F2RL1: variants seen among roughly 807,000 people sequenced by gnomAD.
F2RL1 encodes proteinase-activated receptor 2.
F2RL1 carries 16 observed loss-of-function variants against 21.7 expected under a neutral mutation model. The ratio of observed to expected loss-of-function variants is 0.74; its 90% CI spans 0.50 to 1.12. The LOEUF is 1.12. Among genes scored for constraint, F2RL1 ranks in the 50% most tolerant of loss-of-function variants. The pLI is 0.00. For missense variants in F2RL1, 432 were observed against 477.8 expected (o/e 0.90, Z 0.89); for synonymous variants, 181 against 186.7 (o/e 0.97, Z 0.25).
At chr5:76,829,860 C>T (rs942140644) in intron 1 of F2RL1, among the ~76,000 whole-genome samples, 33 of 151,814 alleles carry the variant, frequency 2.2e-4, no homozygotes, top group African/African-American at 6.8e-4. Context: ...GGGTTATGGT[C>T]AAATATTTGA....
At chr5:76,821,874 C>A (rs1358410115) in intron 1 of F2RL1, among the ~76,000 whole-genome samples, 3 of 151,972 alleles carry the variant, frequency 2.0e-5, no homozygotes, top group Non-Finnish European at 4.4e-5. Flanking sequence ...AGCTACTGCG[C>A]CCTACCTATA....
chr5:76,833,714 G>A lies in F2RL1; in HGVS notation c.1107G>A (p.Gln369=), dbSNP rs762130377. The change falls in exon 2 of 2, where the codon CAG becomes CAA. Residue 369 remains glutamine (Q), a synonymous_variant. Transcript: ENST00000296677. ...LLCRSVRTVK[Q]MQVSLTSKKH... ...GCCGAAGTGTCCGCACTGTAAAGCA[G>A]ATGCAAGTATCCCTCACCTCAAAGA... 2.5e-6 allele frequency: 4 copies of A among 1,614,002 alleles called. No homozygotes were observed. The East Asian group carries it at 8.9e-5, about 36-fold the overall frequency.
At chr5:76,828,221 G>A (rs1044126073) in intron 1 of F2RL1, among the ~76,000 whole-genome samples, 4 of 151,920 alleles carry the variant, frequency 2.6e-5, no homozygotes, top group Admixed American at 6.6e-5. Context: ...CACCCACCTC[G>A]GCCTCCAATA....
chr5:76,821,027 A>G (rs998841491), intron 1 of F2RL1, among the ~76,000 whole-genome samples: 2 of 151,874 alleles, frequency 1.3e-5, no homozygotes, highest in African/African-American at 4.9e-5. Flanking sequence ...GTCTTTGCTC[A>G]CTCGCTTTTT....
rs186931650 is a variant in F2RL1 at position 76,819,277 on chromosome 5, G to A, written c.82+13G>A. Reference sequence around the variant, plus strand: ...GGCACCATCCAAGGTGAGAAACCTGGCCAAGGAGGGCTCTTATCTCTGAGG... The same window carrying A: ...GGCACCATCCAAGGTGAGAAACCTGACCAAGGAGGGCTCTTATCTCTGAGG... On this transcript the variant is annotated intron_variant, in intron 1 of 1. Transcript: ENST00000296677. 89 of 1,581,866 alleles carry A rather than the reference G, an allele frequency of 5.6e-5. No individual in the cohort carries two copies. In the East Asian group the frequency reaches 1.9e-3, roughly 35 times the overall value.
At chr5:76,828,545 C>T (rs1364360022) in intron 1 of F2RL1, among the ~76,000 whole-genome samples, 1 of 148,838 alleles carries the variant, frequency 6.7e-6, no homozygotes, top group Non-Finnish European at 1.5e-5. Flanking sequence ...GAGTGGAGTG[C>T]AGTGGCACAA....
At chr5:76,832,057 A>G (rs1477105940) in intron 1 of F2RL1, among the ~76,000 whole-genome samples, 1 of 152,028 alleles carries the variant, frequency 6.6e-6, no homozygotes, top group Non-Finnish European at 1.5e-5. Context: ...CTGGGGACTA[A>G]TGAGTGTGGA....
intron 1 of F2RL1, among the ~76,000 whole-genome samples, chr5:76,822,234 C>G (rs62365143): frequency 6.6e-6 from 1 of 151,438 alleles, no homozygotes; most frequent in East Asian, 1.9e-4. Context: ...TTTTTTCCCC[C>G]TGAGATAGAA....
At chr5:76,820,299 G>A (rs1199553393) in intron 1 of F2RL1, among the ~76,000 whole-genome samples, 1 of 152,164 alleles carries the variant, frequency 6.6e-6, no homozygotes, top group African/African-American at 2.4e-5. Flanking sequence ...CTCTGTTTGG[G>A]GCAGCCTGGG....
chr5:76,834,142 T>C lies in F2RL1; in HGVS notation c.*341T>C. On this transcript the variant is annotated 3_prime_UTR_variant, in exon 2 of 2. Transcript: ENST00000296677. ...TCAGCTGAAATTATATATATACACA[T>C]ATATATATTTTACATCTGGGATCAT... 1 of 172,814 alleles carries C rather than the reference T, an allele frequency of 5.8e-6. No homozygotes were observed. The allele number at this position is 172,814 out of a possible 1,614,324, so 10.7% of individuals were successfully genotyped here.
Position 76,832,917 on chromosome 5 carries a change from ACTAAGAAGAAGCACC to A in F2RL1, c.313_327del (p.Lys105_Pro109del). 1.9e-6 allele frequency: 3 copies of A among 1,614,210 alleles called. No individual in the cohort carries two copies. Among genetic ancestry groups the A allele is most frequent in the Non-Finnish European group, 2.5e-6 (3 of 1,180,050 alleles). On this transcript the variant is annotated inframe_deletion, in exon 2 of 2. Transcript: ENST00000296677. The stretch of plus-strand genomic sequence containing the variant: ...GGCCCTGTGGGTCTTTCTTTTCCGA[ACTAAGAAGAAGCACC>A]CTGCTGTGATTTACATGGCCAATCT...
intron 1 of F2RL1, 39 bp from the exon 2 acceptor site, chr5:76,832,651 T>G (rs1418914302): frequency 2.6e-6 from 4 of 1,528,298 alleles, no homozygotes; most frequent in Admixed American, 2.1e-5. Context: ...GCTGAAACAT[T>G]TATTTCTGTA....
chr5:76,825,038 C>T (rs1750213820), intron 1 of F2RL1, among the ~76,000 whole-genome samples: 3 of 140,526 alleles, frequency 2.1e-5, no homozygotes, highest in Non-Finnish European at 4.5e-5. Context: ...GACAGAGTCT[C>T]ACTCTGTTGC....
rs199710815 is a variant in F2RL1 at position 76,832,914 on chromosome 5, C to T, written c.307C>T (p.Arg103Ter). The T allele has an allele frequency of 2.0e-4, 318 of 1,614,186 alleles. No individual in the cohort carries two copies. The highest frequency in any genetic ancestry group is 2.2e-4 in the Non-Finnish European group (265 of 1,180,036). The change falls in exon 2 of 2, where the codon CGA becomes TGA. Residue 103 changes from arginine (R) to a stop codon, truncating the protein, a stop_gained. Coordinates refer to ENST00000296677, the MANE Select transcript of F2RL1 (RefSeq NM_005242.6). LOFTEE classifies it high-confidence loss of function. ...NGMALWVFLF[R>*]TKKKHPAVIY... ...CATGGCCCTGTGGGTCTTTCTTTTCCGAACTAAGAAGAAGCACCCTGCTGT... is the reference window on the plus strand; with the variant it reads ...CATGGCCCTGTGGGTCTTTCTTTTCTGAACTAAGAAGAAGCACCCTGCTGT...
intron 1 of F2RL1, among the ~76,000 whole-genome samples, chr5:76,828,912 T>C (rs1750296228): frequency 6.6e-6 from 1 of 152,096 alleles, no homozygotes; most frequent in South Asian, 2.1e-4. Context: ...GATCAGGAGT[T>C]CGAGACCAGC....
chr5:76,827,725 G>A (rs993953996), intron 1 of F2RL1, among the ~76,000 whole-genome samples: 37 of 144,234 alleles, frequency 2.6e-4, no homozygotes, highest in African/African-American at 7.2e-4. Context: ...TCAGCTTCCC[G>A]AGTAGCTGGG....
At chr5:76,820,439 C>G (rs553574600) in intron 1 of F2RL1, among the ~76,000 whole-genome samples, 1 of 152,204 alleles carries the variant, frequency 6.6e-6, no homozygotes, top group Admixed American at 6.5e-5. Context: ...ATTCTTTTCC[C>G]TCTGCAGTTA....
chr5:76,829,856 T>C (rs1233900949), intron 1 of F2RL1, among the ~76,000 whole-genome samples: 1 of 152,190 alleles, frequency 6.6e-6, no homozygotes, highest in African/African-American at 2.4e-5. Flanking sequence ...TTAGGGGTTA[T>C]GGTCAAATAT....
rs955642682 is a variant in F2RL1, at chr5:76,835,146, A to G, written c.*1345A>G. ...CACTTGTTATCTAATACAAAATTAT[A>G]AAGCCTTCAGAGGGTTTGGACCACA... On this transcript the variant is annotated 3_prime_UTR_variant, in exon 2 of 2. Coordinates refer to ENST00000296677, the MANE Select transcript of F2RL1 (RefSeq NM_005242.6). The G allele has an allele frequency of 5.9e-5, 9 of 152,392 alleles. No individual in the cohort carries two copies. The highest frequency in any genetic ancestry group is 5.9e-4 in the Admixed American group (9 of 15,280). The allele number at this position is 152,392 out of a possible 1,614,324, so 9.4% of individuals were successfully genotyped here.
Sources: allele counts gnomAD v4.1 joint callset (sites outside exome capture counted in the v4.1 genomes callset), GRCh38; gene constraint gnomAD v4.1.1; transcripts MANE v1.5; gene names NCBI Gene and HGNC (gene_info 2026-07-23, HGNC 2026-07-21).